Variants in UBTD2 observed in about 807,000 individuals in gnomAD.
UBTD2 encodes the protein ubiquitin domain-containing protein 2.
A neutral mutation model predicts 19.8 loss-of-function variants in UBTD2; 9 were observed. That is an observed-to-expected ratio of 0.46 (90% CI 0.27 to 0.79). The LOEUF is 0.79. UBTD2 is among the 30% of genes least tolerant of loss of function. The pLI is 0.14. For missense variants in UBTD2, 250 were observed against 300.4 expected (o/e 0.83, Z 1.24); for synonymous variants, 98 against 103.9 (o/e 0.94, Z 0.35).
chr5:172,241,052 C>T (rs1481245194), intron 1 of UBTD2, among the ~76,000 whole-genome samples: 1 of 147,332 alleles, frequency 6.8e-6, no homozygotes, highest in African/African-American at 2.5e-5. Context: ...CATGAGTTAA[C>T]TTTTTTTTTT....
intron 2 of UBTD2, among the ~76,000 whole-genome samples, chr5:172,228,414 A>C (rs1771815200): frequency 6.6e-6 from 1 of 152,156 alleles, no homozygotes. Context: ...CAGGCATAAG[A>C]ATTAAATGTT....
intron 1 of UBTD2, among the ~76,000 whole-genome samples, chr5:172,267,434 T>C (rs1755398786): frequency 6.6e-6 from 1 of 152,206 alleles, no homozygotes; most frequent in Non-Finnish European, 1.5e-5. Context: ...TCCAGTCCCG[T>C]AAAACTGTAC....
Position 172,254,787 on chromosome 5 carries a change from T to C in UBTD2, c.71-20429A>G, listed in dbSNP as rs561059208. ...GGTGACATTTCTTCAGGATAATCCG[T>C]CCTCTGTGGTTCAATCCCAGGTTCT... On this transcript the variant is annotated intron_variant, in intron 1 of 2. Coordinates refer to ENST00000393792, the MANE Select transcript of UBTD2 (RefSeq NM_152277.3). The C allele has an allele frequency of 1.2e-3, 670 of 544,306 alleles. 1 individual carries two copies. Among genetic ancestry groups the C allele is most frequent in the Non-Finnish European group, 1.8e-3 (518 of 295,286 alleles). 33.7% of individuals were successfully genotyped at this position (544,306 alleles called of 1,614,324 possible). A position where few individuals can be genotyped will look rare whatever the true frequency, so the allele number is the denominator to read the frequency against.
intron 2 of UBTD2, 145 bp downstream of exon 2, chr5:172,233,977 A>G: frequency 2.6e-6 from 2 of 766,406 alleles, no homozygotes; most frequent in Non-Finnish European, 4.2e-6. Flanking sequence ...TGTACAAGAA[A>G]AAAAGAGGAA....
intron 2 of UBTD2, among the ~76,000 whole-genome samples, chr5:172,223,892 A>G (rs1442985267): frequency 2.6e-5 from 4 of 152,170 alleles, no homozygotes; most frequent in Non-Finnish European, 5.9e-5. Flanking sequence ...GACAAATACA[A>G]GGGATAAAAA....
chr5:172,213,935 C>T (rs931601649), intron 2 of UBTD2, among the ~76,000 whole-genome samples: 8 of 152,136 alleles, frequency 5.3e-5, no homozygotes, highest in East Asian at 1.9e-4. Context: ...TACAGGCATG[C>T]GCCACCACGT....
chr5:172,268,094 A>T (rs1405583032), intron 1 of UBTD2, among the ~76,000 whole-genome samples: 1 of 152,232 alleles, frequency 6.6e-6, no homozygotes, highest in South Asian at 2.1e-4. Flanking sequence ...TTATGAGAGA[A>T]CCAGTCTCTG....
At chr5:172,253,755 A>G (rs1215205905) in intron 1 of UBTD2, among the ~76,000 whole-genome samples, 4 of 148,960 alleles carry the variant, frequency 2.7e-5, no homozygotes, top group East Asian at 2.0e-4. Context: ...CACGGCCCCA[A>G]CCCAATGAAT....
At chr5:172,251,314 C>CAAAAAAAAAAAAAAGAAAAAAAA (rs57577423) in intron 1 of UBTD2, among the ~76,000 whole-genome samples, 118 of 118,092 alleles carry the variant, frequency 1.0e-3, no homozygotes, top group African/African-American at 3.8e-3. Context: ...GAGCCTATCT[C>CAAAAAAAAAAAAAAGAAAAAAAA]AAAAAAAAAA....
At chr5:172,279,421 T>C (rs937171351) in intron 1 of UBTD2, among the ~76,000 whole-genome samples, 7 of 152,238 alleles carry the variant, frequency 4.6e-5, no homozygotes, top group Admixed American at 3.3e-4. Context: ...AGTAGGTGTC[T>C]GTAAGGCTGC....
intron 1 of UBTD2, among the ~76,000 whole-genome samples, chr5:172,280,254 C>A (rs1755683129): frequency 6.6e-6 from 1 of 151,508 alleles, no homozygotes; most frequent in Admixed American, 6.6e-5. Context: ...CACCTGTAAT[C>A]CCAACACTTT....
At position 172,283,601 on chromosome 5, in the gene UBTD2, G is replaced by T; in HGVS notation, c.65C>A (p.Thr22Asn). ...GCCCCCTGGCGCTCACCTACCTCCG[G>T]TGCCCTCCGAGTTCTCGTTGAGGCT... Reference protein sequence around the residue: ...SGSLNENSEGTGVALGRNQPL... With the variant: ...SGSLNENSEGNGVALGRNQPL... The change falls in exon 1 of 3, where the codon ACC becomes AAC. Residue 22 changes from threonine to asparagine, a missense_variant. Thr to Asn is a moderately conservative substitution (Grantham distance 65, BLOSUM62 0). Transcript: ENST00000393792. This position sits in a 1 kb window ranked among gnomAD's most constrained non-coding sequence, Gnocchi z 4.3. 1 of 1,309,368 alleles carries T rather than the reference G, an allele frequency of 7.6e-7. No individual in the cohort carries two copies. Among genetic ancestry groups the T allele is most frequent in the East Asian group, 3.1e-5 (1 of 32,220 alleles). The allele number at this position is 1,309,368 out of a possible 1,614,324, so 81.1% of individuals were successfully genotyped here. A position where few individuals can be genotyped will look rare whatever the true frequency, so the allele number is the denominator to read the frequency against.
intron 2 of UBTD2, among the ~76,000 whole-genome samples, chr5:172,224,570 C>T (rs973548187): frequency 1.3e-5 from 2 of 152,130 alleles, no homozygotes; most frequent in Non-Finnish European, 2.9e-5. Flanking sequence ...GGATTACAGG[C>T]ATGAGCCACT....
chr5:172,264,490 G>A lies in UBTD2; in HGVS notation c.70+19106C>T, dbSNP rs557949360. ...CAGGAAGCAGAGGTTGCAGTGAGCC[G>A]AGATAGTGCCACTGCACTCCAGCCT... On this transcript the variant is annotated intron_variant, in intron 1 of 2. Coordinates refer to ENST00000393792, the MANE Select transcript of UBTD2 (RefSeq NM_152277.3). Among the ~76,000 whole-genome samples, 6 of 150,682 alleles carry A rather than the reference G, an allele frequency of 4.0e-5. No individual in the cohort carries two copies. In the East Asian group the frequency reaches 7.8e-4, roughly 20 times the overall value.
intron 2 of UBTD2, among the ~76,000 whole-genome samples, chr5:172,213,684 G>A (rs1771490873): frequency 6.6e-6 from 1 of 152,204 alleles, no homozygotes; most frequent in Non-Finnish European, 1.5e-5. Context: ...CTGGGCTCAA[G>A]CAATCCTCCT....
chr5:172,254,902 G>C (rs1755107874), intron 1 of UBTD2: 1 of 500,476 alleles, frequency 2.0e-6, no homozygotes, highest in Non-Finnish European at 3.8e-6. Flanking sequence ...TCTCCTCCAT[G>C]GAAGACCTCT....
At chr5:172,235,814 A>T (rs1771997078) in intron 1 of UBTD2, among the ~76,000 whole-genome samples, 1 of 152,212 alleles carries the variant, frequency 6.6e-6, no homozygotes, top group Non-Finnish European at 1.5e-5. Context: ...GATGGGATAG[A>T]AGATAGAAAG....
intron 1 of UBTD2, among the ~76,000 whole-genome samples, chr5:172,243,377 C>A (rs1772168888): frequency 6.6e-6 from 1 of 151,886 alleles, no homozygotes; most frequent in African/African-American, 2.4e-5. Flanking sequence ...GGAGATGGGG[C>A]ACTGAATGGG....
intron 1 of UBTD2, among the ~76,000 whole-genome samples, chr5:172,237,879 T>C (rs1210723161): frequency 6.6e-6 from 1 of 152,218 alleles, no homozygotes; most frequent in African/African-American, 2.4e-5. Context: ...TTGGCAAAAA[T>C]ATACAGGCTG....
Sources: gnomAD v4.1 joint callset for allele counts (sites outside exome capture counted in the v4.1 genomes callset) on GRCh38, gnomAD v4.1.1 for gene constraint, Gnocchi (gnomAD v3.1) non-coding constraint, MANE v1.5 for transcripts, NCBI Gene and HGNC (gene_info 2026-07-23, HGNC 2026-07-21) for gene names.